COL23A1: variants seen among roughly 807,000 people sequenced by gnomAD.
COL23A1 encodes the protein collagen type XXIII alpha 1 chain.
In COL23A1, 97 loss-of-function variants were observed where a neutral mutation model predicts 99.3. That is an observed-to-expected ratio of 0.98 (90% CI 0.83 to 1.16). The LOEUF is 1.16. COL23A1 is among the 50% of genes most tolerant of loss of function. COL23A1 has a pLI of 0.00. For synonymous variants in COL23A1, 320 were observed against 308.2 expected (o/e 1.04, Z -0.40); for missense variants, 762 against 757.4 (o/e 1.01, Z -0.07).
At chr5:178,257,405 G>A (rs956996905) in intron 13 of COL23A1, 118 bp downstream of exon 13, 6 of 1,211,402 alleles carry the variant, frequency 5.0e-6, no homozygotes, top group Middle Eastern at 2.0e-4. Context: ...TCCGGCCTGC[G>A]CTGGGCACTG....
chr5:178,589,373 G>A lies in COL23A1; in HGVS notation c.294+531C>T, dbSNP rs1212245548. ...CCGAGGCCTCAGTGCGACGGTGACC[G>A]CTCAGTCTTGGGGCCTGAGCTGCTG... On this transcript the variant is annotated intron_variant, in intron 1 of 28. Coordinates refer to ENST00000390654, the MANE Select transcript of COL23A1 (RefSeq NM_173465.4). This position sits in a 1 kb window ranked among gnomAD's most constrained non-coding sequence, Gnocchi z 5.4. 6.6e-6 allele frequency among the ~76,000 whole-genome samples: 1 copy of A among 151,920 alleles called. No individual in the cohort carries two copies. Among genetic ancestry groups the A allele is most frequent in the African/African-American group, 2.4e-5 (1 of 41,340 alleles).
intron 2 of COL23A1, among the ~76,000 whole-genome samples, chr5:178,339,903 T>C (rs1392556427): frequency 1.3e-5 from 2 of 152,172 alleles, no homozygotes; most frequent in South Asian, 2.1e-4. Flanking sequence ...CAGGAGTGAT[T>C]TGGAACATGT....
rs1246032171 is a variant in COL23A1, at chr5:178,544,528, G to A, written c.361+16154C>T. On this transcript the variant is annotated intron_variant, in intron 2 of 28. Coordinates refer to ENST00000390654, the MANE Select transcript of COL23A1 (RefSeq NM_173465.4). This position sits in a 1 kb window ranked among gnomAD's most constrained non-coding sequence, Gnocchi z 4.4. ...AACAGCAAGACCGGTGGCCACCCCC[G>A]CTGTGAGTACTCTGAGGCCCAGAGG... Among the ~76,000 whole-genome samples the A allele has an allele frequency of 1.3e-5, 2 of 152,144 alleles. 1 individual carries two copies. Among genetic ancestry groups the A allele is most frequent in the African/African-American group, 4.8e-5 (2 of 41,420 alleles).
At position 178,569,820 on chromosome 5, in the gene COL23A1, C is replaced by T. The variant is rs374564978; in HGVS notation, c.295-9072G>A. On this transcript the variant is annotated intron_variant, in intron 1 of 28. Coordinates refer to ENST00000390654, the MANE Select transcript of COL23A1 (RefSeq NM_173465.4). ...CCAGAGGCAGCTCACAGTTCCCTGC[C>T]ACACAGCCCCTCCACACCCCTTCAT... Among the ~76,000 whole-genome samples, 59 of 152,296 alleles carry T rather than the reference C, an allele frequency of 3.9e-4. 2 individuals carry two copies. The South Asian group carries it at 0.012, about 31-fold the overall frequency.
At chr5:178,357,766 A>ATGTGTGTGTG (rs1242086218) in intron 2 of COL23A1, among the ~76,000 whole-genome samples, 1 of 114,858 alleles carries the variant, frequency 8.7e-6, no homozygotes, top group Non-Finnish European at 1.8e-5. Context: ...GTGTACGTGT[A>ATGTGTGTGTG]TGTATGTGTG....
chr5:178,412,404 T>C (rs576029599), intron 2 of COL23A1, among the ~76,000 whole-genome samples: 53 of 152,332 alleles, frequency 3.5e-4, no homozygotes, highest in African/African-American at 1.2e-3. Flanking sequence ...TTTACATTTT[T>C]CCATCCTGGC....
At chr5:178,242,917 C>T (rs1174313158) in intron 25 of COL23A1, among the ~76,000 whole-genome samples, 1 of 152,172 alleles carries the variant, frequency 6.6e-6, no homozygotes, top group Non-Finnish European at 1.5e-5. Flanking sequence ...TTCATTGTGG[C>T]CGGGCATGGT....
chr5:178,461,862 G>A (rs1009780367), intron 2 of COL23A1, among the ~76,000 whole-genome samples: 1 of 152,232 alleles, frequency 6.6e-6, no homozygotes, highest in Non-Finnish European at 1.5e-5. Flanking sequence ...AAATATAGGG[G>A]TGCAAATTGG....
Position 178,557,257 on chromosome 5 carries a change from T to C in COL23A1, c.361+3425A>G, listed in dbSNP as rs370541517. On this transcript the variant is annotated intron_variant, in intron 2 of 28. Transcript: ENST00000390654. ...TTGCCTCATTTAAGGACAATTGGCA[T>C]TGGATGTAGACACACCCTAAATGCT... Among the ~76,000 whole-genome samples, 83 of 152,348 alleles carry C rather than the reference T, an allele frequency of 5.4e-4. No homozygotes were observed. In the East Asian group the frequency reaches 0.012, roughly 22 times the overall value.
At chr5:178,563,500 A>G (rs1019007750) in intron 1 of COL23A1, among the ~76,000 whole-genome samples, 1 of 135,226 alleles carries the variant, frequency 7.4e-6, no homozygotes, top group East Asian at 2.2e-4. Context: ...CAAAAGCTGC[A>G]CCCTTGAGCC....
chr5:178,275,833 CTGACCGATCAA>C (rs1384200998), intron 5 of COL23A1, among the ~76,000 whole-genome samples: 8 of 152,292 alleles, frequency 5.3e-5, no homozygotes, highest in Non-Finnish European at 8.8e-5. Context: ...CCCCCCGGTC[CTGACCGATCAA>C]TGACCCCAAT....
intron 2 of COL23A1, among the ~76,000 whole-genome samples, chr5:178,405,945 A>ATACAACAAT (rs1764741683): frequency 6.6e-6 from 1 of 152,296 alleles, no homozygotes; most frequent in Admixed American, 6.5e-5. Context: ...TCTACTGAAA[A>ATACAACAAT]TACAACAATT....
intron 2 of COL23A1, among the ~76,000 whole-genome samples, chr5:178,425,753 T>C (rs760449688): frequency 1.1e-4 from 17 of 152,226 alleles, no homozygotes; most frequent in Non-Finnish European, 4.4e-5. Flanking sequence ...TGCACCAGCA[T>C]CTGCCTCCAA....
At chr5:178,272,335 C>A (rs1340864012) in intron 5 of COL23A1, among the ~76,000 whole-genome samples, 1 of 152,232 alleles carries the variant, frequency 6.6e-6, no homozygotes, top group Non-Finnish European at 1.5e-5. Context: ...GCCCATCTGC[C>A]CATTCCCAGA....
At chr5:178,452,064 G>T (rs1235038753) in intron 2 of COL23A1, among the ~76,000 whole-genome samples, 2 of 151,998 alleles carry the variant, frequency 1.3e-5, no homozygotes, top group Admixed American at 6.6e-5. Flanking sequence ...ATTCCAAAAA[G>T]AAAAATAAGT....
At chr5:178,547,151 G>A (rs1156592350) in intron 2 of COL23A1, among the ~76,000 whole-genome samples, 2 of 152,072 alleles carry the variant, frequency 1.3e-5, no homozygotes, top group African/African-American at 2.4e-5. Context: ...CTATTTCCCC[G>A]TAGGGAATAC....
intron 16 of COL23A1, among the ~76,000 whole-genome samples, chr5:178,253,716 C>T (rs1295322406): frequency 6.6e-6 from 1 of 151,912 alleles, no homozygotes; most frequent in Non-Finnish European, 1.5e-5. Context: ...CTCCTCACCT[C>T]GTGATCCACC....
At chr5:178,320,653 C>G (rs185136028) in intron 2 of COL23A1, among the ~76,000 whole-genome samples, 2 of 152,228 alleles carry the variant, frequency 1.3e-5, no homozygotes, top group East Asian at 3.8e-4. Context: ...CCAGTTCCCA[C>G]GCATCCTTGC....
At chr5:178,374,504 T>C (rs1293809974) in intron 2 of COL23A1, among the ~76,000 whole-genome samples, 1 of 152,206 alleles carries the variant, frequency 6.6e-6, no homozygotes, top group Non-Finnish European at 1.5e-5. Context: ...GGAACCAGAC[T>C]GCCTGGGTTT....
Sources: gnomAD v4.1 joint callset for allele counts (sites outside exome capture counted in the v4.1 genomes callset) on GRCh38, gnomAD v4.1.1 for gene constraint, Gnocchi (gnomAD v3.1) non-coding constraint, MANE v1.5 for transcripts, NCBI Gene and HGNC (gene_info 2026-07-23, HGNC 2026-07-21) for gene names.